The following CMTM8 variants were observed in gnomAD, a reference collection of about 807,000 sequenced individuals.
CMTM8 encodes CKLF like MARVEL transmembrane domain containing 8.
CMTM8 carries 12 observed loss-of-function variants against 18.6 expected under a neutral mutation model. That is an observed-to-expected ratio of 0.65 (90% CI 0.41 to 1.05). The LOEUF (loss-of-function observed/expected upper bound fraction) is 1.05, where lower values mean the gene tolerates loss of function less well. Ranked by LOEUF, CMTM8 falls within the 50% of genes least tolerant of loss-of-function variation. The pLI is 0.00. For synonymous variants in CMTM8, 87 were observed against 90.6 expected (o/e 0.96, Z 0.23); for missense variants, 217 against 227.2 (o/e 0.95, Z 0.29).
chr3:32,340,470 A>C (rs1016964924), intron 1 of CMTM8, among the ~76,000 whole-genome samples: 1 of 152,226 alleles, frequency 6.6e-6, no homozygotes, highest in African/African-American at 2.4e-5. Flanking sequence ...TCCGTTGTAT[A>C]ATCTTCTCTG....
At chr3:32,322,827 G>T (rs1866259) in intron 1 of CMTM8, among the ~76,000 whole-genome samples, 2 of 152,012 alleles carry the variant, frequency 1.3e-5, no homozygotes, top group African/African-American at 4.8e-5. Flanking sequence ...TTTCTTTCAT[G>T]TGGCTGGGAT....
At chr3:32,314,426 G>C (rs938237211) in intron 1 of CMTM8, among the ~76,000 whole-genome samples, 4 of 152,112 alleles carry the variant, frequency 2.6e-5, no homozygotes, top group Non-Finnish European at 5.9e-5. Flanking sequence ...GACACCAGGG[G>C]TGTGAAGGCA....
At chr3:32,334,641 T>C (rs1696351551) in intron 1 of CMTM8, among the ~76,000 whole-genome samples, 1 of 151,810 alleles carries the variant, frequency 6.6e-6, no homozygotes, top group Admixed American at 6.6e-5. Context: ...TCCCAGAAGC[T>C]CCCCAACTCG....
At chr3:32,261,977 T>C (rs1702265769) in intron 1 of CMTM8, among the ~76,000 whole-genome samples, 1 of 152,214 alleles carries the variant, frequency 6.6e-6, no homozygotes, top group Non-Finnish European at 1.5e-5. Context: ...ATTAGTTGGC[T>C]TCCAAAATTT....
At chr3:32,239,247 C>T (rs931699509) in intron 1 of CMTM8, 128 bp downstream of exon 1, 3 of 1,024,842 alleles carry the variant, frequency 2.9e-6, no homozygotes, top group Non-Finnish European at 4.2e-6. Flanking sequence ...TTTGCTCAGC[C>T]TCGCCTTCTT....
At chr3:32,263,066 A>G (rs1702279629) in intron 1 of CMTM8, among the ~76,000 whole-genome samples, 2 of 151,570 alleles carry the variant, frequency 1.3e-5, no homozygotes, top group Non-Finnish European at 1.5e-5. Flanking sequence ...CAGAAGACAG[A>G]TGATTTCTGC....
rs565335082 is a variant in CMTM8, at chr3:32,271,166, G to T, written c.147+32047G>T. 1.5e-3 allele frequency among the ~76,000 whole-genome samples: 224 copies of T among 152,234 alleles called. 2 individuals are homozygous for T. The highest frequency in any genetic ancestry group is 1.0e-4 in the Non-Finnish European group (7 of 68,012). On this transcript the variant is annotated intron_variant, in intron 1 of 3. Coordinates refer to ENST00000307526, the MANE Select transcript of CMTM8 (RefSeq NM_178868.5). Reference sequence around the variant, plus strand: ...TTTGAGACAGAGTTTCGCTCTTGTTGCCCAGGCTGGAGTGCAATGGCGTGA... The same window carrying T: ...TTTGAGACAGAGTTTCGCTCTTGTTTCCCAGGCTGGAGTGCAATGGCGTGA...
chr3:32,336,039 C>T (rs543848516), intron 1 of CMTM8, among the ~76,000 whole-genome samples: 5 of 152,330 alleles, frequency 3.3e-5, no homozygotes, highest in Middle Eastern at 3.4e-3. Context: ...TTCTCACACC[C>T]GCCAGCACTG....
At chr3:32,240,946 CT>C (rs1461870546) in intron 1 of CMTM8, among the ~76,000 whole-genome samples, 5 of 152,086 alleles carry the variant, frequency 3.3e-5, no homozygotes. Context: ...CACCAACACA[CT>C]TGGATAATTT....
chr3:32,244,579 A>G (rs1415625088), intron 1 of CMTM8, among the ~76,000 whole-genome samples: 1 of 151,850 alleles, frequency 6.6e-6, no homozygotes, highest in African/African-American at 2.4e-5. Context: ...TTTTCTCATG[A>G]TTTTTTTCTA....
chr3:32,238,949 C>T lies in CMTM8; in HGVS notation c.-24C>T. ...AGACCCGCCGGGGTCCCTGGGGACGCGCCAGCCCGGCAGTGGCTCGACGAT... is the reference window on the plus strand; with the variant it reads ...AGACCCGCCGGGGTCCCTGGGGACGTGCCAGCCCGGCAGTGGCTCGACGAT... On this transcript the variant is annotated 5_prime_UTR_variant, in exon 1 of 4. Coordinates refer to ENST00000307526, the MANE Select transcript of CMTM8 (RefSeq NM_178868.5). 1.9e-6 allele frequency: 3 copies of T among 1,542,614 alleles called. No homozygotes were observed. The highest frequency in any genetic ancestry group is 1.7e-4 in the Middle Eastern group (1 of 5,836).
At chr3:32,357,631 C>G (rs1696842377) in intron 2 of CMTM8, 85 bp downstream of exon 2, 1 of 1,368,440 alleles carries the variant, frequency 7.3e-7, no homozygotes, top group African/African-American at 1.4e-5. Context: ...AAGACTGTCT[C>G]TCTGCCCAGA....
chr3:32,295,468 A>AAAAAAAC (rs1702857798), intron 1 of CMTM8, among the ~76,000 whole-genome samples: 1 of 142,010 alleles, frequency 7.0e-6, no homozygotes, highest in African/African-American at 2.8e-5. Flanking sequence ...AAAAAAAAAA[A>AAAAAAAC]AAAAAAAAAA....
At chr3:32,299,627 G>A (rs1695574670) in intron 1 of CMTM8, among the ~76,000 whole-genome samples, 1 of 152,122 alleles carries the variant, frequency 6.6e-6, no homozygotes, top group African/African-American at 2.4e-5. Context: ...AGTTACAAAT[G>A]ATTCAGTTAT....
intron 1 of CMTM8, among the ~76,000 whole-genome samples, chr3:32,346,360 A>G (rs1370087641): frequency 1.3e-5 from 2 of 152,196 alleles, no homozygotes; most frequent in East Asian, 3.8e-4. Flanking sequence ...TCAATTCTAC[A>G]TGTTAACTAG....
intron 1 of CMTM8, among the ~76,000 whole-genome samples, chr3:32,303,667 A>G (rs954761978): frequency 2.0e-5 from 3 of 151,976 alleles, no homozygotes; most frequent in Admixed American, 2.0e-4. Context: ...AATCTGCAGG[A>G]AAGTAGAACA....
intron 1 of CMTM8, among the ~76,000 whole-genome samples, chr3:32,339,651 A>C (rs1696454495): frequency 6.6e-6 from 1 of 152,168 alleles, no homozygotes; most frequent in Non-Finnish European, 1.5e-5. Context: ...TAAAGTATTA[A>C]ACATACTTCA....
chr3:32,294,204 A>G (rs1702832445), intron 1 of CMTM8, among the ~76,000 whole-genome samples: 2 of 152,294 alleles, frequency 1.3e-5, no homozygotes, highest in African/African-American at 4.8e-5. Context: ...ATCGTGAACA[A>G]GGAGCTAAGT....
intron 1 of CMTM8, among the ~76,000 whole-genome samples, chr3:32,339,371 C>T (rs1361689207): frequency 6.6e-6 from 1 of 152,120 alleles, no homozygotes; most frequent in East Asian, 1.9e-4. Context: ...GAATAGAGTA[C>T]CCAAAGGAAT....
Sources: allele counts gnomAD v4.1 joint callset (sites outside exome capture counted in the v4.1 genomes callset), GRCh38; gene constraint gnomAD v4.1.1; transcripts MANE v1.5; gene names NCBI Gene and HGNC (gene_info 2026-07-23, HGNC 2026-07-21).